The following GRXCR1 variants were observed in gnomAD, a reference collection of about 807,000 sequenced individuals.
GRXCR1 encodes the protein glutaredoxin and cysteine rich domain containing 1.
GRXCR1 carries 27 observed loss-of-function variants against 27.3 expected under a neutral mutation model. The ratio of observed to expected loss-of-function variants is 0.99; its 90% CI spans 0.73 to 1.37. The LOEUF is 1.37. Ranked by LOEUF, GRXCR1 falls within the 40% of genes most tolerant of loss-of-function variation. The pLI, the probability that GRXCR1 is intolerant of heterozygous loss-of-function variation, is 0.00. For synonymous variants in GRXCR1, 122 were observed against 131.1 expected, an observed-to-expected ratio of 0.93 and a Z score of 0.47; for missense variants, 379 against 354.4, an observed-to-expected ratio of 1.07 and a Z score of -0.56.
intron 2 of GRXCR1, among the ~76,000 whole-genome samples, chr4:42,970,489 A>G (rs924673954): frequency 6.6e-5 from 10 of 152,254 alleles, no homozygotes; most frequent in African/African-American, 2.4e-4. Flanking sequence ...TTCCTTCTGC[A>G]TACTTGCAGG....
At chr4:42,999,475 C>T (rs1577938591) in intron 2 of GRXCR1, among the ~76,000 whole-genome samples, 1 of 152,230 alleles carries the variant, frequency 6.6e-6, no homozygotes, top group African/African-American at 2.4e-5. Flanking sequence ...TCACCTCATC[C>T]TCACCTTTCC....
At chr4:42,965,719 T>C (rs550115426) in intron 2 of GRXCR1, among the ~76,000 whole-genome samples, 1 of 152,096 alleles carries the variant, frequency 6.6e-6, no homozygotes, top group East Asian at 1.9e-4. Flanking sequence ...ACAATTTTTT[T>C]ATAGGAAGGA....
At chr4:42,977,167 A>T (rs994766538) in intron 2 of GRXCR1, among the ~76,000 whole-genome samples, 3 of 152,048 alleles carry the variant, frequency 2.0e-5, no homozygotes, top group Non-Finnish European at 4.4e-5. Flanking sequence ...TAATGGATGA[A>T]TAGTATTCCA....
chr4:43,014,728 T>C (rs1712877168), intron 2 of GRXCR1, among the ~76,000 whole-genome samples: 1 of 152,212 alleles, frequency 6.6e-6, no homozygotes, highest in Admixed American at 6.5e-5. Context: ...TTGATGTGCC[T>C]TGGCTTGTTT....
intron 2 of GRXCR1, among the ~76,000 whole-genome samples, chr4:42,979,416 T>G (rs1475243225): frequency 6.6e-6 from 1 of 152,078 alleles, no homozygotes; most frequent in African/African-American, 2.4e-5. Flanking sequence ...TGGTCAAATA[T>G]TTTCTGCATC....
At chr4:42,909,755 T>A (rs948916814) in intron 1 of GRXCR1, among the ~76,000 whole-genome samples, 1 of 152,186 alleles carries the variant, frequency 6.6e-6, no homozygotes, top group Admixed American at 6.6e-5. Context: ...CTGATCATGT[T>A]ACTCCCCTGC....
chr4:42,972,295 G>A lies in GRXCR1; in HGVS notation c.627+9161G>A, dbSNP rs1398458478. ...TTTGATCATTAGAAATTCCATCAGA[G>A]ATCTGGTTGGAGGAAAGTCTCATGA... On this transcript the variant is annotated intron_variant, in intron 2 of 3. Coordinates refer to ENST00000399770, the MANE Select transcript of GRXCR1 (RefSeq NM_001080476.3). Among the ~76,000 whole-genome samples, 4 of 152,106 alleles carry A rather than the reference G, an allele frequency of 2.6e-5. No individual in the cohort carries two copies. The South Asian group carries it at 6.2e-4, about 24-fold the overall frequency.
At chr4:42,916,715 G>T (rs1746894668) in intron 1 of GRXCR1, among the ~76,000 whole-genome samples, 1 of 152,002 alleles carries the variant, frequency 6.6e-6, no homozygotes, top group Non-Finnish European at 1.5e-5. Context: ...TTTCTCTACT[G>T]TACAGCCATT....
intron 1 of GRXCR1, among the ~76,000 whole-genome samples, chr4:42,939,839 G>T (rs1747570340): frequency 6.6e-6 from 1 of 152,070 alleles, no homozygotes; most frequent in South Asian, 2.1e-4. Flanking sequence ...TGTTTGCCCA[G>T]GGGTATATCC....
In GRXCR1 at chr4:43,005,956, G is replaced by A. The variant is rs370424966; in HGVS notation, c.628-14398G>A. Among the ~76,000 whole-genome samples the A allele has an allele frequency of 1.6e-4, 24 of 152,316 alleles. No homozygotes were observed. In the East Asian group the frequency reaches 1.7e-3, roughly 11 times the overall value. ...GTCAGGGACCCCAAATGGAGGGACC[G>A]GCTGAAGCCATGGCAGAAGAATGTG... On this transcript the variant is annotated intron_variant, in intron 2 of 3. Transcript: ENST00000399770.
At chr4:42,949,183 C>A (rs1382644777) in intron 1 of GRXCR1, among the ~76,000 whole-genome samples, 1 of 151,396 alleles carries the variant, frequency 6.6e-6, no homozygotes, top group East Asian at 2.0e-4. Context: ...TTGAAACCCC[C>A]TCTCCACTAA....
chr4:42,914,435 G>A (rs1363376095), intron 1 of GRXCR1, among the ~76,000 whole-genome samples: 1 of 152,120 alleles, frequency 6.6e-6, no homozygotes, highest in Non-Finnish European at 1.5e-5. Context: ...TTGCATGGGG[G>A]CTGTAGCCCC....
In GRXCR1 at chr4:42,946,646, A is replaced by G. The variant is rs575990121; in HGVS notation, c.385-16246A>G. Among the ~76,000 whole-genome samples, 5 of 152,228 alleles carry G rather than the reference A, an allele frequency of 3.3e-5. No individual in the cohort carries two copies. The South Asian group carries it at 1.0e-3, about 32-fold the overall frequency. Reference sequence around the variant, plus strand: ...GAGGGCTTTTTCCTCATAGATGGGAACTTTTTGCTGTATCCTCACATGGTG... The same window carrying G: ...GAGGGCTTTTTCCTCATAGATGGGAGCTTTTTGCTGTATCCTCACATGGTG... On this transcript the variant is annotated intron_variant, in intron 1 of 3. Transcript: ENST00000399770.
intron 1 of GRXCR1, among the ~76,000 whole-genome samples, chr4:42,932,082 T>G (rs1357135899): frequency 6.6e-6 from 1 of 151,928 alleles, no homozygotes; most frequent in Non-Finnish European, 1.5e-5. Flanking sequence ...GTCCTTCCCA[T>G]GACATGTGGG....
At chr4:42,987,222 T>TATTATATATTA (rs369022273) in intron 2 of GRXCR1, among the ~76,000 whole-genome samples, 1 of 100,574 alleles carries the variant, frequency 9.9e-6, no homozygotes, top group Admixed American at 1.3e-4. Context: ...TATATATATA[T>TATTATATATTA]TATATATTAT....
chr4:42,943,156 C>T (rs1343568687), intron 1 of GRXCR1, among the ~76,000 whole-genome samples: 1 of 152,110 alleles, frequency 6.6e-6, no homozygotes, highest in Non-Finnish European at 1.5e-5. Context: ...TGAGTCTCAG[C>T]TTCCACCTTT....
intron 1 of GRXCR1, among the ~76,000 whole-genome samples, chr4:42,917,862 G>A (rs563677789): frequency 8.1e-4 from 123 of 152,110 alleles, no homozygotes; most frequent in African/African-American, 2.8e-3. Flanking sequence ...TTAACATTTA[G>A]TTTTTCAATA....
rs113663130 is a variant in GRXCR1, at chr4:43,014,881, G to A, written c.628-5473G>A. Among the ~76,000 whole-genome samples the A allele has an allele frequency of 1.9e-3, 295 of 152,260 alleles. 1 individual carries two copies. Among genetic ancestry groups the A allele is most frequent in the African/African-American group, 6.7e-3 (278 of 41,552 alleles). ...GCACTACACAAAATGCTGTGTGCCC[G>A]AAGAAGTCATAGCCCCTGAAATCAC... On this transcript the variant is annotated intron_variant, in intron 2 of 3. Coordinates refer to ENST00000399770, the MANE Select transcript of GRXCR1 (RefSeq NM_001080476.3).
chr4:42,987,227 TATTATATATATATA>T (rs1560676782), intron 2 of GRXCR1, among the ~76,000 whole-genome samples: 13 of 91,974 alleles, frequency 1.4e-4, no homozygotes, highest in African/African-American at 5.6e-4. Context: ...ATATATTATA[TATTATATATATATA>T]ATATATAATA....
Sources: gnomAD v4.1 joint callset for allele counts (sites outside exome capture counted in the v4.1 genomes callset) on GRCh38, gnomAD v4.1.1 for gene constraint, MANE v1.5 for transcripts, NCBI Gene and HGNC (gene_info 2026-07-23, HGNC 2026-07-21) for gene names.